CLCN1: variants seen among roughly 807,000 people sequenced by gnomAD.
CLCN1 encodes the protein chloride channel protein 1.
A neutral mutation model predicts 114.5 loss-of-function variants in CLCN1; 100 were observed. That is an observed-to-expected ratio of 0.87 (90% CI 0.74 to 1.03). The LOEUF (loss-of-function observed/expected upper bound fraction) is 1.03, where lower values mean the gene tolerates loss of function less well. CLCN1 is among the 50% of genes least tolerant of loss of function. CLCN1 has a pLI of 0.00. For missense variants in CLCN1, 1,188 were observed against 1,250.0 expected, an observed-to-expected ratio of 0.95 and a Z score of 0.75; for synonymous variants, 485 against 487.1, an observed-to-expected ratio of 1.00 and a Z score of 0.06.
rs905446055 is a variant in CLCN1 at position 143,324,725 on chromosome 7, G to T, written c.853+233G>T. On this transcript the variant is annotated intron_variant, in intron 7 of 22. Coordinates refer to ENST00000343257, the MANE Select transcript of CLCN1 (RefSeq NM_000083.3). The surrounding 1 kb of genome is among the most constrained non-coding windows in gnomAD (Gnocchi z 4.6). ...GAAGAGGAGAGAACTGAGTTACAGAGAGGGACAGTGACTTGAGCAAGTTCA... is the reference window on the plus strand; with the variant it reads ...GAAGAGGAGAGAACTGAGTTACAGATAGGGACAGTGACTTGAGCAAGTTCA... 6.6e-6 allele frequency among the ~76,000 whole-genome samples: 1 copy of T among 152,262 alleles called. No homozygotes were observed. Among genetic ancestry groups the T allele is most frequent in the Non-Finnish European group, 1.5e-5 (1 of 68,048 alleles).
chr7:143,351,547 T>C (rs1229735043), intron 22 of CLCN1, 47 bp from the exon 23 acceptor site: 2 of 1,605,066 alleles, frequency 1.2e-6, no homozygotes, highest in South Asian at 1.1e-5. Flanking sequence ...CCGTCTTTTT[T>C]CTTTTTCCAA....
rs1239385810 is a variant in CLCN1 at position 143,341,989 on chromosome 7, A to G, written c.1643A>G (p.Glu548Gly). Residue 548 changes from glutamate (E) to glycine (G), a missense_variant, in exon 15 of 23, where the codon GAA (glutamate) becomes GGA (glycine). Transcript: ENST00000343257. ...GTCTCCACAGCTGTGATTTGCTTCG[A>G]ATTAACGGGTCAGATTGCTCACATC... ...HTVSTAVICF[E>G]LTGQIAHILP... 6.2e-7 allele frequency: 1 copy of G among 1,614,066 alleles called. No homozygotes were observed. The highest frequency in any genetic ancestry group is 1.3e-5 in the African/African-American group (1 of 74,936).
Position 143,321,899 on chromosome 7 carries a change from G to C in CLCN1, c.696+51G>C. 3 of 1,598,950 alleles carry C rather than the reference G, an allele frequency of 1.9e-6. No individual in the cohort carries two copies. The African/African-American group carries it at 4.0e-5, about 21-fold the overall frequency. ...AGCTGGGAGGGGCCCTCAGGAGCCA[G>C]GGTGGCACCAACTCTAGAGGGAGCT... is the stretch of plus-strand genomic sequence containing the variant. On this transcript the variant is annotated intron_variant, in intron 5 of 22. Transcript: ENST00000343257. The surrounding 1 kb of genome is among the most constrained non-coding windows in gnomAD (Gnocchi z 4.2).
chr7:143,333,256 G>A lies in CLCN1; in HGVS notation c.1401+383G>A, dbSNP rs184434563. Among the ~76,000 whole-genome samples the A allele has an allele frequency of 2.0e-3, 305 of 151,814 alleles. 1 individual carries two copies. Among genetic ancestry groups the A allele is most frequent in the African/African-American group, 7.1e-3 (293 of 41,418 alleles). On this transcript the variant is annotated intron_variant, in intron 12 of 22. Transcript: ENST00000343257. ...GTGGAGGTTGTAGTGAGCCAAGATC[G>A]TGCCATTGCACTCCAGCCTGGGTGA...
At chr7:143,336,330 G>GA (rs5888093) in intron 12 of CLCN1, among the ~76,000 whole-genome samples, 98 of 134,950 alleles carry the variant, frequency 7.3e-4, no homozygotes, top group Admixed American at 1.3e-3. Context: ...TAGATCTGAA[G>GA]AAAAAAAAAA....
intron 10 of CLCN1, among the ~76,000 whole-genome samples, chr7:143,332,026 A>G (rs1402147961): frequency 6.6e-6 from 1 of 152,074 alleles, no homozygotes; most frequent in African/African-American, 2.4e-5. Flanking sequence ...ATGGAGTTTC[A>G]CCATGTTGCC....
rs1277611744 is a variant in CLCN1 at position 143,342,042 on chromosome 7, G to A, written c.1696G>A (p.Ala566Thr). ...ILPMMVAVIL[A>T]NMVAQSLQPS... ...GCCCATGATGGTGGCTGTTATCTTG[G>A]CCAACATGGTGGCCCAGAGCCTGCA... The change falls in exon 15 of 23, where the codon GCC becomes ACC. Residue 566 changes from alanine (A) to threonine (T), a missense_variant. Physicochemically the swap from Ala to Thr is moderately conservative, Grantham distance 58. Coordinates refer to ENST00000343257, the MANE Select transcript of CLCN1 (RefSeq NM_000083.3). The A allele has an allele frequency of 6.2e-7, 1 of 1,614,168 alleles. No individual in the cohort carries two copies. The highest frequency in any genetic ancestry group is 1.1e-5 in the South Asian group (1 of 91,082).
Position 143,345,600 on chromosome 7 carries a change from G to A in CLCN1, c.2010G>A (p.Arg670=), listed in dbSNP as rs1335125543. The change falls in exon 17 of 23, where the codon AGG becomes AGA. Residue 670 remains arginine (R), a synonymous_variant. Transcript: ENST00000343257. ...LLQRHLCPER[R]LRAAQEMARK... The stretch of plus-strand genomic sequence containing the variant: ...AGCGCCACCTGTGTCCTGAGCGCAG[G>A]CTGCGCGCAGCCCAAGAGATGGCGC... 4 of 1,553,564 alleles carry A rather than the reference G, an allele frequency of 2.6e-6. No homozygotes were observed. The highest frequency in any genetic ancestry group is 2.4e-5 in the South Asian group (2 of 84,242).
rs1201777569 is a variant in CLCN1 at position 143,321,090 on chromosome 7, CAG to C, written c.434-274_434-273del. ...TTTCAGCACTGAACATCCCGAATCC[CAG>C]GAAGCCCCTTGGTTCTGGGCACACC... is the stretch of plus-strand genomic sequence containing the variant. On this transcript the variant is annotated intron_variant, in intron 3 of 22. Coordinates refer to ENST00000343257, the MANE Select transcript of CLCN1 (RefSeq NM_000083.3). The surrounding 1 kb of genome is among the most constrained non-coding windows in gnomAD (Gnocchi z 4.2). Among the ~76,000 whole-genome samples, 1 of 152,188 alleles carries C rather than the reference CAG, an allele frequency of 6.6e-6. No homozygotes were observed. Among genetic ancestry groups the C allele is most frequent in the Non-Finnish European group, 1.5e-5 (1 of 68,018 alleles).
intron 17 of CLCN1, 121 bp from the exon 18 acceptor site, chr7:143,346,019 A>G (rs1803233043): frequency 1.2e-6 from 1 of 837,334 alleles, no homozygotes; most frequent in Non-Finnish European, 2.0e-6. Context: ...GGGATATAGG[A>G]ATTTCTGAAC....
At chr7:143,336,509 C>G (rs1586504072) in intron 12 of CLCN1, among the ~76,000 whole-genome samples, 1 of 149,140 alleles carries the variant, frequency 6.7e-6, no homozygotes, top group Admixed American at 6.8e-5. Context: ...CCTCGGGAGG[C>G]TGAGGCAGGA....
chr7:143,342,218 A>G lies in CLCN1; in HGVS notation c.1796+76A>G, dbSNP rs940864. On this transcript the variant is annotated intron_variant, in intron 15 of 22. Transcript: ENST00000343257. Reference sequence around the variant, plus strand: ...GTTCTGAGGCTGAGACTGAGCTTAGAGTTAAAGTTTGGAAACACTGTTTTA... The same window carrying G: ...GTTCTGAGGCTGAGACTGAGCTTAGGGTTAAAGTTTGGAAACACTGTTTTA... 0.42 allele frequency: 630,801 copies of G among 1,515,792 alleles called. 133,522 individuals carry two copies. Among genetic ancestry groups the G allele is most frequent in the African/African-American group, 0.56 (40,945 of 72,792 alleles). The allele number at this position is 1,515,792 out of a possible 1,614,324, so 93.9% of individuals were successfully genotyped here.
In CLCN1 at chr7:143,319,751, C is replaced by T. The variant is rs1224589860; in HGVS notation, c.181-4C>T. The T allele has an allele frequency of 6.2e-7, 1 of 1,613,866 alleles. No homozygotes were observed. The highest frequency in any genetic ancestry group is 8.5e-7 in the Non-Finnish European group (1 of 1,179,784). Reference sequence around the variant, plus strand: ...CAGACACTGATCATTCTCTCTCTGTCCAGATTTATGGCCATCACAAAGAAC... The same window carrying T: ...CAGACACTGATCATTCTCTCTCTGTTCAGATTTATGGCCATCACAAAGAAC... On this transcript the variant is annotated splice_polypyrimidine_tract_variant and splice_region_variant and intron_variant, in intron 1 of 22. Transcript: ENST00000343257.
rs1586497958 is a variant in CLCN1 at position 143,331,657 on chromosome 7, G to A, written c.1166+5G>A. On this transcript the variant is annotated splice_donor_5th_base_variant and intron_variant, in intron 10 of 22. Coordinates refer to ENST00000343257, the MANE Select transcript of CLCN1 (RefSeq NM_000083.3). ...CAGCCAGTTTCTTGCTAAGCAGTGA[G>A]TCACTGCCCTTCTTTTGCCCTACCC... 6.3e-7 allele frequency: 1 copy of A among 1,589,600 alleles called. No individual in the cohort carries two copies. Among genetic ancestry groups the A allele is most frequent in the Non-Finnish European group, 8.6e-7 (1 of 1,157,696 alleles).
At position 143,316,149 on chromosome 7, in the gene CLCN1, C is replaced by A. The variant is rs764384808; in HGVS notation, c.-64C>A. Reference sequence around the variant, plus strand: ...ACAGCAAGAGCAGAGGCTTAAGGAGCTACACTGGGGGAAGGACAGGGGCAA... The same window carrying A: ...ACAGCAAGAGCAGAGGCTTAAGGAGATACACTGGGGGAAGGACAGGGGCAA... On this transcript the variant is annotated 5_prime_UTR_variant, in exon 1 of 23. Coordinates refer to ENST00000343257, the MANE Select transcript of CLCN1 (RefSeq NM_000083.3). 3.7e-6 allele frequency: 5 copies of A among 1,353,060 alleles called. No homozygotes were observed. Among genetic ancestry groups the A allele is most frequent in the Non-Finnish European group, 5.3e-6 (5 of 948,558 alleles). 83.8% of individuals were successfully genotyped at this position (1,353,060 alleles called of 1,614,324 possible).
chr7:143,333,827 G>A (rs1425104821), intron 12 of CLCN1, among the ~76,000 whole-genome samples: 3 of 152,116 alleles, frequency 2.0e-5, no homozygotes, highest in Non-Finnish European at 4.4e-5. Context: ...TTTCATATCT[G>A]CCCATCAAGG....
In CLCN1 at chr7:143,351,999, A is replaced by G; in HGVS notation, c.*34A>G. On this transcript the variant is annotated 3_prime_UTR_variant, in exon 23 of 23. Transcript: ENST00000343257. The stretch of plus-strand genomic sequence containing the variant: ...CACGACCTCCTCATAAAGACCGTGG[A>G]GAGGCCCAGCCTGAGGGTGAACTTG... 6.2e-7 allele frequency: 1 copy of G among 1,612,170 alleles called. No homozygotes were observed. Among genetic ancestry groups the G allele is most frequent in the Non-Finnish European group, 8.5e-7 (1 of 1,179,950 alleles).
intron 20 of CLCN1, among the ~76,000 whole-genome samples, chr7:143,347,151 G>A (rs772444202): frequency 3.9e-5 from 6 of 152,150 alleles, no homozygotes; most frequent in Non-Finnish European, 7.3e-5. Context: ...AGAAGGACAC[G>A]TCATTTCAGA....
chr7:143,334,664 G>A (rs181605430), intron 12 of CLCN1, among the ~76,000 whole-genome samples: 182 of 152,182 alleles, frequency 1.2e-3, no homozygotes, highest in Non-Finnish European at 2.3e-3. Context: ...CAGCAGATAC[G>A]TGAAACACCA....
Sources: gnomAD v4.1 joint callset for allele counts (sites outside exome capture counted in the v4.1 genomes callset) on GRCh38, gnomAD v4.1.1 for gene constraint, Gnocchi (gnomAD v3.1) non-coding constraint, MANE v1.5 for transcripts, NCBI Gene and HGNC (gene_info 2026-07-23, HGNC 2026-07-21) for gene names.